TCF20: variants seen among roughly 807,000 people sequenced by gnomAD.
TCF20 encodes the protein SPRE-binding protein.
TCF20 carries 3 observed loss-of-function variants against 148.6 expected under a neutral mutation model. That is an observed-to-expected ratio of 0.02 (90% CI 0.01 to 0.05). The LOEUF (loss-of-function observed/expected upper bound fraction) is 0.05. TCF20 is among the 10% of genes least tolerant of loss of function. TCF20 has a pLI of 1.00. For missense variants in TCF20, 2,350 were observed against 2,429.3 expected (o/e 0.97, Z 0.69); for synonymous variants, 1,049 against 909.5 (o/e 1.15, Z -2.76).
At chr22:42,205,383 G>A (rs1938317533) in intron 2 of TCF20, among the ~76,000 whole-genome samples, 2 of 151,062 alleles carry the variant, frequency 1.3e-5, no homozygotes, top group South Asian at 4.2e-4. Flanking sequence ...TGTGACACAG[G>A]GAGAGGAGCA....
At chr22:42,282,922 C>G (rs1926937819) in intron 1 of TCF20, among the ~76,000 whole-genome samples, 1 of 152,260 alleles carries the variant, frequency 6.6e-6, no homozygotes, top group Admixed American at 6.5e-5. Context: ...CCAGCACGGG[C>G]TCCCTCCGTG....
At chr22:42,335,057 G>C (rs148999509) in intron 1 of TCF20, among the ~76,000 whole-genome samples, 2 of 152,082 alleles carry the variant, frequency 1.3e-5, no homozygotes, top group African/African-American at 2.4e-5. Context: ...TTCTGCATAC[G>C]CTCCTGGGAC....
intron 2 of TCF20, among the ~76,000 whole-genome samples, chr22:42,199,416 G>C (rs774739118): frequency 6.6e-6 from 1 of 152,096 alleles, no homozygotes; most frequent in Non-Finnish European, 1.5e-5. Flanking sequence ...ATAAAGGCAC[G>C]AGGCTGCATT....
At chr22:42,306,615 G>A (rs1348873243) in intron 1 of TCF20, among the ~76,000 whole-genome samples, 1 of 152,218 alleles carries the variant, frequency 6.6e-6, no homozygotes, top group East Asian at 1.9e-4. Flanking sequence ...AGCACTAATG[G>A]GGCTTCGTCT....
intron 1 of TCF20, among the ~76,000 whole-genome samples, chr22:42,255,084 T>C (rs964707838): frequency 6.6e-6 from 1 of 152,026 alleles, no homozygotes; most frequent in Non-Finnish European, 1.5e-5. Flanking sequence ...CAACCTCCGT[T>C]ATTCAGTTTT....
At position 42,210,758 on chromosome 22, in the gene TCF20, G is replaced by A. The variant is rs778725506; in HGVS notation, c.4548C>T (p.Asn1516=). The A allele has an allele frequency of 3.0e-5, 48 of 1,614,104 alleles. No individual in the cohort carries two copies. Among genetic ancestry groups the A allele is most frequent in the Non-Finnish European group, 3.7e-5 (44 of 1,180,018 alleles). The change falls in exon 2 of 6, where the codon AAC becomes AAT. Residue 1516 remains asparagine (N), a synonymous_variant. Transcript: ENST00000677622. The surrounding 1 kb of genome is among the most constrained non-coding windows in gnomAD (Gnocchi z 4.7). The stretch of plus-strand genomic sequence containing the variant: ...GCTTCGGTGAAATCGTCACTGTATC[G>A]TTCTCCTTCTCTTCAGCCTTGGGGT... ...EANPKAEEKE[N]DTVTISPKQE...
chr22:42,199,479 G>C (rs2147157676), intron 2 of TCF20, among the ~76,000 whole-genome samples: 1 of 152,154 alleles, frequency 6.6e-6, no homozygotes, highest in Middle Eastern at 3.4e-3. Flanking sequence ...GTTTTCTTCA[G>C]GCCCATAAAA....
chr22:42,215,497 G>A, intron 1 of TCF20, 156 bp from the exon 2 acceptor site: 1 of 942,860 alleles, frequency 1.1e-6, no homozygotes, highest in Non-Finnish European at 1.5e-6. Context: ...TGAGACAAGA[G>A]TCTCACTCTG....
chr22:42,263,368 T>C (rs1293274409), intron 1 of TCF20, among the ~76,000 whole-genome samples: 10 of 152,206 alleles, frequency 6.6e-5, no homozygotes, highest in Non-Finnish European at 1.0e-4. Context: ...CCCTATTTCT[T>C]GCCAAGCACA....
intron 1 of TCF20, among the ~76,000 whole-genome samples, chr22:42,283,516 C>G (rs1372309803): frequency 2.0e-5 from 3 of 152,180 alleles, no homozygotes; most frequent in Non-Finnish European, 4.4e-5. Flanking sequence ...CCCCCTCGGG[C>G]CCCTCCTCTC....
At chr22:42,342,727 T>C (rs985467250) in intron 1 of TCF20, among the ~76,000 whole-genome samples, 2 of 152,168 alleles carry the variant, frequency 1.3e-5, no homozygotes, top group African/African-American at 2.4e-5. Context: ...ATTAAATTGG[T>C]GCTCCCAGAA....
upstream of TCF20, among the ~76,000 whole-genome samples, chr22:42,287,157 C>T (rs1348270608): frequency 6.6e-6 from 1 of 152,142 alleles, no homozygotes. Flanking sequence ...AACTCCCAGG[C>T]ACATTTGGGT....
chr22:42,213,022 G>A lies in TCF20; in HGVS notation c.2284C>T (p.His762Tyr), dbSNP rs990201537. The A allele has an allele frequency of 1.2e-6, 2 of 1,613,924 alleles. No homozygotes were observed. Among genetic ancestry groups the A allele is most frequent in the African/African-American group, 1.3e-5 (1 of 74,882 alleles). The change falls in exon 2 of 6, where the codon CAC (histidine) becomes TAC (tyrosine). Residue 762 changes from histidine (H) to tyrosine (Y), a missense_variant. Physicochemically the swap from His to Tyr is moderately conservative, Grantham distance 83. Coordinates refer to ENST00000677622, the MANE Select transcript of TCF20 (RefSeq NM_001378418.1). ...LLQEVLQGYH[H>Y]HPDRRYSRST... ...CTAGAATATCTCCTGTCAGGGTGGTGGTGGTAACCCTGAAGCACTTCCTGC... is the reference window on the plus strand; with the variant it reads ...CTAGAATATCTCCTGTCAGGGTGGTAGTGGTAACCCTGAAGCACTTCCTGC...
At chr22:42,193,978 G>A (rs1218786645) in intron 2 of TCF20, among the ~76,000 whole-genome samples, 1 of 152,128 alleles carries the variant, frequency 6.6e-6, no homozygotes, top group Middle Eastern at 3.2e-3. Flanking sequence ...GCAACAAGTA[G>A]AGGATGGGAC....
upstream of TCF20, among the ~76,000 whole-genome samples, chr22:42,285,159 C>A (rs1342296239): frequency 6.6e-6 from 1 of 152,226 alleles, no homozygotes; most frequent in Non-Finnish European, 1.5e-5. The surrounding 1 kb of genome is among the most constrained non-coding windows in gnomAD (Gnocchi z 4.2). Context: ...GGCCCTTCCC[C>A]TCTTCCCTGG....
In TCF20 at chr22:42,210,535, C is replaced by A. The variant is rs1190926504; in HGVS notation, c.4771G>T (p.Ala1591Ser). The change falls in exon 2 of 6, where the codon GCC becomes TCC. Residue 1591 changes from alanine (A) to serine (S), a missense_variant. Ala to Ser is a moderately conservative substitution (Grantham distance 99). Transcript: ENST00000677622. This position sits in a 1 kb window ranked among gnomAD's most constrained non-coding sequence, Gnocchi z 4.7. The part of the protein sequence containing the change: ...RQRRERRKPG[A>S]QPRKRKTKQA... ...TTGGTTTTTCGCTTCCTCGGCTGGG[C>A]CCCAGGCTTCCTTCTCTCCCTCCTT... 36 of 1,614,048 alleles carry A rather than the reference C, an allele frequency of 2.2e-5. No homozygotes were observed. The highest frequency in any genetic ancestry group is 3.1e-5 in the Non-Finnish European group (36 of 1,180,038).
Position 42,242,486 on chromosome 22 carries a change from A to G in TCF20, c.-36-27145T>C, listed in dbSNP as rs73887975. Among the ~76,000 whole-genome samples the G allele has an allele frequency of 9.3e-3, 1,422 of 152,224 alleles. 14 individuals are homozygous for G. Among genetic ancestry groups the G allele is most frequent in the African/African-American group, 0.033 (1,376 of 41,522 alleles). On this transcript the variant is annotated intron_variant, in intron 1 of 5. Coordinates refer to ENST00000677622, the MANE Select transcript of TCF20 (RefSeq NM_001378418.1). ...CCACAATTAAATATCTATTGTGGTC[A>G]TATTAGGGGTTATCATAGGGTATAC...
chr22:42,319,044 C>T (rs1313418360), intron 1 of TCF20, among the ~76,000 whole-genome samples: 1 of 152,200 alleles, frequency 6.6e-6, no homozygotes. Context: ...ACTAGGGGGG[C>T]ATGAGAGGAC....
At chr22:42,258,553 T>A (rs528609138) in intron 1 of TCF20, among the ~76,000 whole-genome samples, 1 of 152,272 alleles carries the variant, frequency 6.6e-6, no homozygotes, top group South Asian at 2.1e-4. Flanking sequence ...TCACATACAC[T>A]TAGGATTTTC....
Sources: allele counts gnomAD v4.1 joint callset (sites outside exome capture counted in the v4.1 genomes callset), GRCh38; gene constraint gnomAD v4.1.1; non-coding constraint Gnocchi (gnomAD v3.1); transcripts MANE v1.5; gene names NCBI Gene and HGNC (gene_info 2026-07-23, HGNC 2026-07-21).